The following CASTOR2 variants were observed in gnomAD, a reference collection of about 807,000 sequenced individuals.
The protein encoded by CASTOR2 is cytosolic arginine sensor for mTORC1 subunit 2.
CASTOR2 carries 8 observed loss-of-function variants against 31.2 expected under a neutral mutation model. That is an observed-to-expected ratio of 0.26 (90% CI 0.15 to 0.46). The LOEUF (loss-of-function observed/expected upper bound fraction) is 0.46. CASTOR2 is among the 20% of genes least tolerant of loss of function. The probability of loss-of-function intolerance (pLI) is 0.99; values close to 1 mark genes in which losing one functional copy is unlikely to be tolerated. For missense variants in CASTOR2, 216 were observed against 382.1 expected (o/e 0.57, Z 3.62); for synonymous variants, 162 against 158.7 (o/e 1.02, Z -0.16).
chr7:74,986,145 G>A (rs1257649096), intron 1 of CASTOR2, among the ~76,000 whole-genome samples: 5 of 151,912 alleles, frequency 3.3e-5, no homozygotes, highest in African/African-American at 1.2e-4. Flanking sequence ...GGCCAGGCTG[G>A]TCTTGAACTC....
At position 75,026,985 on chromosome 7, in the gene CASTOR2, A is replaced by G. The variant is rs1169314427; in HGVS notation, c.*2286A>G. On this transcript the variant is annotated 3_prime_UTR_variant, in exon 9 of 9. Transcript: ENST00000616305. Reference sequence around the variant, plus strand: ...GATAGAGATATATACTGTAAATAGCATATATACTTGAGCAATATATATGTT... The same window carrying G: ...GATAGAGATATATACTGTAAATAGCGTATATACTTGAGCAATATATATGTT... 6.6e-6 allele frequency: 1 copy of G among 152,246 alleles called. No individual in the cohort carries two copies. The highest frequency in any genetic ancestry group is 2.4e-5 in the African/African-American group (1 of 41,454). The allele number at this position is 152,246 out of a possible 1,614,324, so 9.4% of individuals were successfully genotyped here.
In CASTOR2 at chr7:75,027,112, G is replaced by T. The variant is rs900234342; in HGVS notation, c.*2413G>T. 1 of 152,190 alleles carries T rather than the reference G, an allele frequency of 6.6e-6. No homozygotes were observed. The highest frequency in any genetic ancestry group is 1.5e-5 in the Non-Finnish European group (1 of 68,036). 9.4% of individuals were successfully genotyped at this position (152,190 alleles called of 1,614,324 possible). A position where few individuals can be genotyped will look rare whatever the true frequency, so the allele number is the denominator to read the frequency against. ...ACCCCGCACCGTCTGCCATACACGC[G>T]GGCACATTTGAGCCACCATATATTT... On this transcript the variant is annotated 3_prime_UTR_variant, in exon 9 of 9. Coordinates refer to ENST00000616305, the MANE Select transcript of CASTOR2 (RefSeq NM_001145064.3).
At chr7:74,983,072 G>A (rs1267221834) in intron 1 of CASTOR2, among the ~76,000 whole-genome samples, 1 of 50,494 alleles carries the variant, frequency 2.0e-5, no homozygotes, top group Non-Finnish European at 3.8e-5. Context: ...GTGCAGTGGC[G>A]CAATCTCAGC....
chr7:74,996,065 G>A (rs1367459007), intron 1 of CASTOR2, among the ~76,000 whole-genome samples: 1 of 152,080 alleles, frequency 6.6e-6, no homozygotes, highest in Non-Finnish European at 1.5e-5. Context: ...TGGGGTGTGT[G>A]TTGGGGTGCT....
intron 1 of CASTOR2, among the ~76,000 whole-genome samples, chr7:74,988,874 C>T (rs1248962221): frequency 4.0e-5 from 6 of 149,744 alleles, no homozygotes; most frequent in Non-Finnish European, 7.4e-5. Flanking sequence ...TTTTTCATTC[C>T]ACATTGCATT....
Position 75,031,142 on chromosome 7 carries a change from T to A in CASTOR2, c.*6443T>A, listed in dbSNP as rs1345434482. Reference sequence around the variant, plus strand: ...ACAGTCCCAAGCCCTCCTCTTTCTCTATGCCAAAATCATTTCCGTTATCCT... The same window carrying A: ...ACAGTCCCAAGCCCTCCTCTTTCTCAATGCCAAAATCATTTCCGTTATCCT... On this transcript the variant is annotated 3_prime_UTR_variant, in exon 9 of 9. Transcript: ENST00000616305. 1.3e-5 allele frequency among the ~76,000 whole-genome samples: 2 copies of A among 152,176 alleles called. No homozygotes were observed. Among genetic ancestry groups the A allele is most frequent in the African/African-American group, 4.8e-5 (2 of 41,454 alleles).
rs1804535861 is a variant in CASTOR2 at position 75,003,229 on chromosome 7, T to C, written c.114-4765T>C. 2.6e-5 allele frequency among the ~76,000 whole-genome samples: 4 copies of C among 151,980 alleles called. No individual in the cohort carries two copies. In the South Asian group the frequency reaches 8.3e-4, roughly 32 times the overall value. ...TGGGAGGCCAAGGCAGAAGGATCAC[T>C]TGAGCTCAGGAGTGCAAGACCAGTC... On this transcript the variant is annotated intron_variant, in intron 1 of 8. Coordinates refer to ENST00000616305, the MANE Select transcript of CASTOR2 (RefSeq NM_001145064.3).
At chr7:74,986,028 A>G (rs1486044501) in intron 1 of CASTOR2, among the ~76,000 whole-genome samples, 4 of 152,004 alleles carry the variant, frequency 2.6e-5, no homozygotes, top group African/African-American at 7.2e-5. Context: ...TCCCGGTTCA[A>G]GCGATTCTCC....
chr7:74,973,232 A>G (rs1170416314), intron 1 of CASTOR2, among the ~76,000 whole-genome samples: 1 of 148,824 alleles, frequency 6.7e-6, no homozygotes, highest in Non-Finnish European at 1.5e-5. Flanking sequence ...TAAAACAGAG[A>G]TGATGATCAT....
chr7:75,021,766 A>C (rs1024074902), intron 6 of CASTOR2, 108 bp from the exon 7 acceptor site: 2 of 1,405,030 alleles, frequency 1.4e-6, no homozygotes, highest in Admixed American at 2.0e-5. Context: ...GGTCTGCCCA[A>C]CCCTGCCTGG....
intron 7 of CASTOR2, among the ~76,000 whole-genome samples, chr7:75,023,973 G>A (rs1805067065): frequency 6.6e-6 from 1 of 152,104 alleles, no homozygotes; most frequent in Non-Finnish European, 1.5e-5. Context: ...GGGGACATCT[G>A]GGTTAAGCCT....
rs1190211713 is a variant in CASTOR2 at position 75,017,520 on chromosome 7, C to A, written c.185-78C>A. The A allele has an allele frequency of 5.2e-6, 8 of 1,534,420 alleles. No individual in the cohort carries two copies. In the African/African-American group the frequency reaches 9.6e-5, roughly 18 times the overall value. ...CTGGCCCCAGAGCATCACTCTCCAC[C>A]TCTGGCCTGCCTTGCCCTGCCCTTG... is the stretch of plus-strand genomic sequence containing the variant. On this transcript the variant is annotated intron_variant, in intron 2 of 8. Coordinates refer to ENST00000616305, the MANE Select transcript of CASTOR2 (RefSeq NM_001145064.3).
chr7:75,000,167 A>G (rs1459190050), intron 1 of CASTOR2, among the ~76,000 whole-genome samples: 9 of 152,216 alleles, frequency 5.9e-5, no homozygotes, highest in Non-Finnish European at 8.8e-5. Context: ...TGGAGGCTGC[A>G]GTGAACTATG....
At chr7:74,995,792 A>AG (rs2131935374) in intron 1 of CASTOR2, among the ~76,000 whole-genome samples, 1 of 151,038 alleles carries the variant, frequency 6.6e-6, no homozygotes, top group East Asian at 2.0e-4. Context: ...TGGGCAACAG[A>AG]GCGAGACTCC....
At chr7:74,970,288 G>A (rs1803650905) in intron 1 of CASTOR2, among the ~76,000 whole-genome samples, 2 of 144,512 alleles carry the variant, frequency 1.4e-5, no homozygotes. Flanking sequence ...GCATCTGGGT[G>A]TGGCTGGACT....
At chr7:75,012,026 A>G (rs2131948930) in intron 2 of CASTOR2, among the ~76,000 whole-genome samples, 1 of 152,258 alleles carries the variant, frequency 6.6e-6, no homozygotes. Context: ...GAAAGCAAGC[A>G]GACATTAACT....
chr7:74,975,958 A>C lies in CASTOR2; in HGVS notation c.113+10860A>C, dbSNP rs1449184382. 4.9e-4 allele frequency among the ~76,000 whole-genome samples: 74 copies of C among 149,940 alleles called. 2 individuals carry two copies. Among genetic ancestry groups the C allele is most frequent in the African/African-American group, 1.7e-3 (71 of 40,926 alleles). ...GAGGAACTGAGGCATCCCACCCCCA[A>C]CCGGCAGAGCGGGGCTTTGAAAACA... is the stretch of plus-strand genomic sequence containing the variant. On this transcript the variant is annotated intron_variant, in intron 1 of 8. Transcript: ENST00000616305.
intron 3 of CASTOR2, 91 bp downstream of exon 3, chr7:75,017,882 C>A: frequency 1.2e-6 from 2 of 1,613,678 alleles, no homozygotes; most frequent in East Asian, 4.5e-5. Flanking sequence ...CCTTGCCCTT[C>A]CACGCTATTC....
chr7:74,993,565 T>C lies in CASTOR2; in HGVS notation c.114-14429T>C, dbSNP rs1198850091. ...TCCTGGGTTCAAGTGATTCTCCTGCTTCAGCCTCTGGAGTAGCTGAGATTA... is the reference window on the plus strand; with the variant it reads ...TCCTGGGTTCAAGTGATTCTCCTGCCTCAGCCTCTGGAGTAGCTGAGATTA... On this transcript the variant is annotated intron_variant, in intron 1 of 8. Transcript: ENST00000616305. Among the ~76,000 whole-genome samples the C allele has an allele frequency of 1.1e-4, 16 of 150,728 alleles. No homozygotes were observed. The East Asian group carries it at 2.8e-3, about 26-fold the overall frequency.
Sources: gnomAD v4.1 joint callset for allele counts (sites outside exome capture counted in the v4.1 genomes callset) on GRCh38, gnomAD v4.1.1 for gene constraint, MANE v1.5 for transcripts, NCBI Gene and HGNC (gene_info 2026-07-23, HGNC 2026-07-21) for gene names.